Variants in RBSN observed in about 807,000 individuals in gnomAD.
RBSN encodes the protein rabenosyn-5.
In RBSN, 34 loss-of-function variants were observed where a neutral mutation model predicts 60.5. The observed-to-expected ratio is 0.56, with a 90% CI of 0.43 to 0.75. The LOEUF (loss-of-function observed/expected upper bound fraction) is 0.75, where lower values mean the gene tolerates loss of function less well. RBSN is among the 30% of genes least tolerant of loss of function. The pLI, the probability that RBSN is intolerant of heterozygous loss-of-function variation, is 0.00. For synonymous variants in RBSN, 322 were observed against 366.9 expected, an observed-to-expected ratio of 0.88 and a Z score of 1.40; for missense variants, 845 against 986.8, an observed-to-expected ratio of 0.86 and a Z score of 1.92.
chr3:15,085,487 A>C (rs1353193661), intron 6 of RBSN, among the ~76,000 whole-genome samples: 1 of 152,230 alleles, frequency 6.6e-6, no homozygotes, highest in Non-Finnish European at 1.5e-5. Context: ...AACTAGGATG[A>C]AAATACACCC....
intron 4 of RBSN, among the ~76,000 whole-genome samples, chr3:15,093,760 G>A (rs146147829): frequency 3.9e-5 from 6 of 152,150 alleles, no homozygotes; most frequent in African/African-American, 1.4e-4. Flanking sequence ...GGAGTGCAGT[G>A]GCATAATCAT....
Position 15,077,441 on chromosome 3 carries a change from G to A in RBSN, c.999-277C>T, listed in dbSNP as rs2043083111. 6.6e-6 allele frequency among the ~76,000 whole-genome samples: 1 copy of A among 152,186 alleles called. No individual in the cohort carries two copies. Among genetic ancestry groups the A allele is most frequent in the African/African-American group, 2.4e-5 (1 of 41,450 alleles). ...GCAACCTATGCAACTGGAAAGGACT[G>A]GCACTTAAAAGAGCCCTGTGCTTGG... On this transcript the variant is annotated intron_variant, in intron 11 of 13. Transcript: ENST00000253699. This position sits in a 1 kb window ranked among gnomAD's most constrained non-coding sequence, Gnocchi z 4.4.
In RBSN at chr3:15,089,478, C is replaced by CAAAACA. The variant is rs1193736956; in HGVS notation, c.289+920_289+921insTGTTTT. Among the ~76,000 whole-genome samples the CAAAACA allele has an allele frequency of 2.6e-4, 21 of 79,260 alleles. 1 individual carries two copies. In the South Asian group the frequency reaches 3.2e-3, roughly 12 times the overall value. The allele number at this position is 79,260 out of a possible 152,430, so 52.0% of individuals were successfully genotyped here. On this transcript the variant is annotated intron_variant, in intron 5 of 13. Transcript: ENST00000253699. ...CTCCAAAAAAAAAAAAAAAAAAAAA[C>CAAAACA]AAAAAAAAAAAACAGATATGTAAGA...
chr3:15,078,823 T>TATACACAC (rs1553591628), intron 10 of RBSN, among the ~76,000 whole-genome samples: 6 of 109,240 alleles, frequency 5.5e-5, no homozygotes, highest in African/African-American at 1.7e-4. Context: ...TATATATATA[T>TATACACAC]ACATGGTTTT....
intron 13 of RBSN, 74 bp from the exon 14 acceptor site, chr3:15,075,004 G>A: frequency 6.7e-7 from 1 of 1,497,536 alleles, no homozygotes; most frequent in Non-Finnish European, 8.9e-7. Context: ...CCCACCCTCT[G>A]TTGTCCCTCT....
In RBSN at chr3:15,074,612, G is replaced by A. The variant is rs746645394; in HGVS notation, c.1525C>T (p.Arg509Trp). The A allele has an allele frequency of 1.5e-5, 24 of 1,614,114 alleles. No homozygotes were observed. Among genetic ancestry groups the A allele is most frequent in the South Asian group, 9.9e-5 (9 of 91,092 alleles). ...QQTEKAIELS[R>W]RQAEEEDLQR... Reference sequence around the variant, plus strand: ...AGGTCCTCCTCCTCAGCCTGCCTCCGGGACAGCTCGATGGCCTTCTCTGTC... The same window carrying A: ...AGGTCCTCCTCCTCAGCCTGCCTCCAGGACAGCTCGATGGCCTTCTCTGTC... Residue 509 changes from arginine to tryptophan, a missense_variant, in exon 14 of 14, where the codon CGG becomes TGG. Coordinates refer to ENST00000253699, the MANE Select transcript of RBSN (RefSeq NM_022340.4). This position sits in a 1 kb window ranked among gnomAD's most constrained non-coding sequence, Gnocchi z 6.4.
intron 1 of RBSN, among the ~76,000 whole-genome samples, chr3:15,098,706 A>G (rs2043741335): frequency 6.6e-6 from 1 of 152,110 alleles, no homozygotes; most frequent in South Asian, 2.1e-4. Flanking sequence ...GACACCACAC[A>G]AAACACTCCG....
rs2042918856 is a variant in RBSN at position 15,071,144 on chromosome 3, T to A, written c.*2638A>T. The stretch of plus-strand genomic sequence containing the variant: ...CGGCCAGGCCTTTAAAAATAGTTTT[T>A]AAAAATGTTTCTTGTGTGTTTTTCA... On this transcript the variant is annotated 3_prime_UTR_variant, in exon 14 of 14. Coordinates refer to ENST00000253699, the MANE Select transcript of RBSN (RefSeq NM_022340.4). 1 of 152,226 alleles carries A rather than the reference T, an allele frequency of 6.6e-6. No individual in the cohort carries two copies. 9.4% of individuals were successfully genotyped at this position (152,226 alleles called of 1,614,324 possible).
In RBSN at chr3:15,096,158, C is replaced by T; in HGVS notation, c.-38G>A. The T allele has an allele frequency of 6.6e-7, 1 of 1,526,122 alleles. No homozygotes were observed. Among genetic ancestry groups the T allele is most frequent in the Non-Finnish European group, 8.8e-7 (1 of 1,140,488 alleles). 94.5% of individuals were successfully genotyped at this position (1,526,122 alleles called of 1,614,324 possible). ...CTCAACCCTAGGAAGGCAGGAATCT[C>T]ATGCCAAGAGTCAGCTTGATTCCTC... On this transcript the variant is annotated 5_prime_UTR_variant, in exon 4 of 14. An upstream start codon of the reference 5' UTR is lost. Coordinates refer to ENST00000253699, the MANE Select transcript of RBSN (RefSeq NM_022340.4).
At position 15,073,796 on chromosome 3, in the gene RBSN, C is replaced by A. The variant is rs922613878; in HGVS notation, c.2341G>T (p.Gly781Trp). Residue 781 changes from glycine to tryptophan, a missense_variant, in exon 14 of 14, where the codon GGG (glycine) becomes TGG (tryptophan). Physicochemically the swap from Gly to Trp is radical, Grantham distance 184. Coordinates refer to ENST00000253699, the MANE Select transcript of RBSN (RefSeq NM_022340.4). ...ELKHTLAKQK[G>W]GTD Reference sequence around the variant, plus strand: ...TCCACTGCTGGTCAGTCAGTGCCCCCCTTCTGCTTGGCCAGGGTGTGCTTC... The same window carrying A: ...TCCACTGCTGGTCAGTCAGTGCCCCACTTCTGCTTGGCCAGGGTGTGCTTC... The A allele has an allele frequency of 1.6e-5, 25 of 1,603,038 alleles. No individual in the cohort carries two copies. Among genetic ancestry groups the A allele is most frequent in the African/African-American group, 2.7e-5 (2 of 74,872 alleles).
chr3:15,087,732 T>A (rs749360494), intron 5 of RBSN, among the ~76,000 whole-genome samples: 1 of 152,166 alleles, frequency 6.6e-6, no homozygotes, highest in Admixed American at 6.5e-5. Context: ...GCAATTCCCA[T>A]GCCTCAGCCT....
chr3:15,089,478 C>CA (rs796324060), intron 5 of RBSN, among the ~76,000 whole-genome samples: 3,863 of 79,208 alleles, frequency 0.049, 157 homozygotes, highest in African/African-American at 0.16. Flanking sequence ...AAAAAAAAAA[C>CA]AAAAAAAAAA....
chr3:15,071,705 T>G lies in RBSN; in HGVS notation c.*2077A>C, dbSNP rs2042930815. On this transcript the variant is annotated 3_prime_UTR_variant, in exon 14 of 14. Transcript: ENST00000253699. The stretch of plus-strand genomic sequence containing the variant: ...TGTGAACATCAACACAAATACAGAT[T>G]ATTTTTTCATCAAGAGAGTTAAAAC... 1 of 152,340 alleles carries G rather than the reference T, an allele frequency of 6.6e-6. No homozygotes were observed. The highest frequency in any genetic ancestry group is 6.5e-5 in the Admixed American group (1 of 15,288). The allele number at this position is 152,340 out of a possible 1,614,324, so 9.4% of individuals were successfully genotyped here. A position where few individuals can be genotyped will look rare whatever the true frequency, so the allele number is the denominator to read the frequency against.
chr3:15,095,798 A>T lies in RBSN; in HGVS notation c.148+175T>A, dbSNP rs1260083477. On this transcript the variant is annotated intron_variant, in intron 4 of 13. Transcript: ENST00000253699. ...AGCCACACAGTTATTGTGAGGATTA[A>T]ATGAAATTAATAAACAGGGAAACTC... 5 of 772,290 alleles carry T rather than the reference A, an allele frequency of 6.5e-6. No homozygotes were observed. The African/African-American group carries it at 8.8e-5, about 14-fold the overall frequency. The allele number at this position is 772,290 out of a possible 1,614,324, so 47.8% of individuals were successfully genotyped here.
chr3:15,095,844 C>T (rs775455325), intron 4 of RBSN, 129 bp downstream of exon 4: 2 of 1,239,740 alleles, frequency 1.6e-6, no homozygotes, highest in South Asian at 1.4e-5. Flanking sequence ...TGGCACATGA[C>T]AAACACTAGT....
At chr3:15,097,290 G>A (rs1448203309) in intron 2 of RBSN, among the ~76,000 whole-genome samples, 1 of 152,162 alleles carries the variant, frequency 6.6e-6, no homozygotes, top group Non-Finnish European at 1.5e-5. Flanking sequence ...CAAGGCAGGC[G>A]GATCACCTGA....
At chr3:15,076,374 G>A (rs2043053876) in intron 12 of RBSN, among the ~76,000 whole-genome samples, 1 of 152,036 alleles carries the variant, frequency 6.6e-6, no homozygotes, top group African/African-American at 2.4e-5. Flanking sequence ...GCCAAGGTGG[G>A]CAGACTGCTT....
In RBSN at chr3:15,077,298, G is replaced by A. The variant is rs1258803498; in HGVS notation, c.999-134C>T. ...AAGATGGACAAGTGACTCCATTGAA[G>A]TTTCTTTGAAGGCAAAGCCCATTTC... On this transcript the variant is annotated intron_variant, in intron 11 of 13. Transcript: ENST00000253699. The surrounding 1 kb of genome is among the most constrained non-coding windows in gnomAD (Gnocchi z 4.4). 5.4e-6 allele frequency: 4 copies of A among 746,580 alleles called. No individual in the cohort carries two copies. Among genetic ancestry groups the A allele is most frequent in the Non-Finnish European group, 4.5e-6 (2 of 441,016 alleles). The allele number at this position is 746,580 out of a possible 1,614,324, so 46.2% of individuals were successfully genotyped here.
In RBSN at chr3:15,073,362, A is replaced by G. The variant is rs2042964353; in HGVS notation, c.*420T>C. On this transcript the variant is annotated 3_prime_UTR_variant, in exon 14 of 14. Transcript: ENST00000253699. The stretch of plus-strand genomic sequence containing the variant: ...GTCTTGGCTAAAGGAAGGGCTCTAA[A>G]AAGGCTGCCCTATAATACTGCATAA... 6.0e-6 allele frequency: 1 copy of G among 165,696 alleles called. No individual in the cohort carries two copies. Among genetic ancestry groups the G allele is most frequent in the African/African-American group, 2.4e-5 (1 of 41,642 alleles). 10.3% of individuals were successfully genotyped at this position (165,696 alleles called of 1,614,324 possible).
Sources: allele counts gnomAD v4.1 joint callset (sites outside exome capture counted in the v4.1 genomes callset), GRCh38; gene constraint gnomAD v4.1.1; non-coding constraint Gnocchi (gnomAD v3.1); transcripts MANE v1.5; gene names NCBI Gene and HGNC (gene_info 2026-07-23, HGNC 2026-07-21).